Variants in CRACD observed in about 807,000 individuals in gnomAD.
The protein encoded by CRACD is capping protein-inhibiting regulator of actin dynamics.
In CRACD, 56 loss-of-function variants were observed where a neutral mutation model predicts 106.8. That is an observed-to-expected ratio of 0.52 (90% CI 0.42 to 0.66). The LOEUF (loss-of-function observed/expected upper bound fraction) is 0.66, where lower values mean the gene tolerates loss of function less well. CRACD is among the 30% of genes least tolerant of loss of function. The probability of loss-of-function intolerance (pLI) is 0.00; values close to 1 mark genes in which losing one functional copy is unlikely to be tolerated. For synonymous variants in CRACD, 754 were observed against 670.8 expected (o/e 1.12, Z -1.92); for missense variants, 1,730 against 1,623.2 (o/e 1.07, Z -1.13).
At chr4:56,318,362 C>A (rs1044082029) in intron 8 of CRACD, among the ~76,000 whole-genome samples, 2 of 152,130 alleles carry the variant, frequency 1.3e-5, no homozygotes, top group African/African-American at 4.8e-5. Flanking sequence ...TCAGCAGTTT[C>A]TAGACCATTT....
At chr4:56,242,075 C>T (rs1426754509) in intron 2 of CRACD, among the ~76,000 whole-genome samples, 2 of 152,166 alleles carry the variant, frequency 1.3e-5, no homozygotes, top group African/African-American at 4.8e-5. Flanking sequence ...CTACCTCTGT[C>T]ACTGCTAGTT....
At chr4:56,300,945 C>T (rs1397104323) in intron 4 of CRACD, among the ~76,000 whole-genome samples, 4 of 152,276 alleles carry the variant, frequency 2.6e-5, no homozygotes, top group African/African-American at 9.6e-5. Context: ...ATTGCATAAA[C>T]ACAGGAAGAA....
chr4:56,199,537 C>T (rs59022767), intron 2 of CRACD, among the ~76,000 whole-genome samples: 1 of 151,510 alleles, frequency 6.6e-6, no homozygotes, highest in Non-Finnish European at 1.5e-5. Context: ...CAAAAATTAG[C>T]GGGGTGTTGA....
chr4:56,273,815 G>A (rs571588039), intron 3 of CRACD, among the ~76,000 whole-genome samples: 16 of 152,294 alleles, frequency 1.1e-4, no homozygotes, highest in Non-Finnish European at 1.9e-4. Context: ...TGTTTTCCAT[G>A]AATGCCTGAC....
intron 2 of CRACD, among the ~76,000 whole-genome samples, chr4:56,200,660 A>C (rs1737838349): frequency 6.6e-6 from 1 of 152,246 alleles, no homozygotes; most frequent in South Asian, 2.1e-4. Context: ...ATTACTGAGA[A>C]ATTAACAAAG....
intron 3 of CRACD, among the ~76,000 whole-genome samples, chr4:56,289,747 T>G (rs937729684): frequency 6.6e-6 from 1 of 151,576 alleles, no homozygotes; most frequent in African/African-American, 2.4e-5. Context: ...ACATTTGCAA[T>G]CGTGGGTGAA....
intron 1 of CRACD, among the ~76,000 whole-genome samples, chr4:56,119,574 A>G (rs966909302): frequency 1.1e-4 from 16 of 151,922 alleles, no homozygotes; most frequent in Middle Eastern, 3.4e-3. Flanking sequence ...GGCTCAAGTG[A>G]TCTGCCTTCC....
At chr4:56,209,632 G>A (rs374994691) in intron 2 of CRACD, among the ~76,000 whole-genome samples, 4 of 152,036 alleles carry the variant, frequency 2.6e-5, no homozygotes, top group South Asian at 2.1e-4. Flanking sequence ...ATTAACAGAC[G>A]TAAATATATT....
chr4:56,110,985 C>A (rs1465827499), intron 1 of CRACD, among the ~76,000 whole-genome samples: 1 of 152,144 alleles, frequency 6.6e-6, no homozygotes, highest in African/African-American at 2.4e-5. Flanking sequence ...AACAATTAGT[C>A]ACTCAGGGTG....
chr4:56,100,393 A>G (rs13121935), intron 1 of CRACD, among the ~76,000 whole-genome samples: 16,356 of 152,274 alleles, frequency 0.11, 946 homozygotes, highest in East Asian at 0.19. Context: ...GTTAATTGCA[A>G]AAAAGGTTGA....
At chr4:56,300,976 A>G (rs1744334709) in intron 4 of CRACD, among the ~76,000 whole-genome samples, 1 of 152,262 alleles carries the variant, frequency 6.6e-6, no homozygotes, top group Non-Finnish European at 1.5e-5. Context: ...AAAGCAGAAT[A>G]ACTGTTTAAT....
chr4:56,205,528 GTA>G (rs112550218), intron 2 of CRACD, among the ~76,000 whole-genome samples: 1 of 150,946 alleles, frequency 6.6e-6, no homozygotes, highest in Non-Finnish European at 1.5e-5. Context: ...TTTTTTTTTT[GTA>G]TGTGTGTGTG....
chr4:56,246,679 A>T (rs1330218668), intron 2 of CRACD: 1 of 152,260 alleles, frequency 6.6e-6, no homozygotes, highest in Non-Finnish European at 1.5e-5. Flanking sequence ...CTCATGTTTG[A>T]TCGGGAAACT....
At chr4:56,125,764 C>CTTCTTTTTTTTTTTTTT (rs1420481544) in intron 1 of CRACD, among the ~76,000 whole-genome samples, 3 of 73,302 alleles carry the variant, frequency 4.1e-5, no homozygotes, top group Non-Finnish European at 2.5e-5. Flanking sequence ...CATTCTTCTT[C>CTTCTTTTTTTTTTTTTT]TTTTTTTTTT....
At chr4:56,180,488 CAAAATAAA>C (rs1736772192) in intron 2 of CRACD, among the ~76,000 whole-genome samples, 1 of 132,930 alleles carries the variant, frequency 7.5e-6, no homozygotes, top group African/African-American at 2.9e-5. Context: ...GACTCCATCT[CAAAATAAA>C]TAAATAAATA....
chr4:56,207,308 T>C (rs1161567574), intron 2 of CRACD, among the ~76,000 whole-genome samples: 1 of 152,218 alleles, frequency 6.6e-6, no homozygotes, highest in African/African-American at 2.4e-5. Context: ...GCCTTTACAG[T>C]AGAACCTGTT....
chr4:56,230,540 C>G (rs752174065), intron 2 of CRACD, among the ~76,000 whole-genome samples: 1 of 152,110 alleles, frequency 6.6e-6, no homozygotes, highest in Non-Finnish European at 1.5e-5. Flanking sequence ...CGCTAACTTG[C>G]CTCATAGCCT....
At chr4:56,065,007 G>A (rs1732410941) in intron 1 of CRACD, among the ~76,000 whole-genome samples, 3 of 152,190 alleles carry the variant, frequency 2.0e-5, no homozygotes, top group Admixed American at 2.0e-4. Flanking sequence ...AGGGCAGTGG[G>A]TGGAGGAGAA....
At chr4:56,256,109 G>GTA (rs2109601213) in intron 2 of CRACD, among the ~76,000 whole-genome samples, 1 of 152,274 alleles carries the variant, frequency 6.6e-6, no homozygotes, top group Non-Finnish European at 1.5e-5. Flanking sequence ...CTACTGATAT[G>GTA]GTTTGGCTAT....
Sources: gnomAD v4.1 joint callset for allele counts (sites outside exome capture counted in the v4.1 genomes callset) on GRCh38, gnomAD v4.1.1 for gene constraint, MANE v1.5 for transcripts, NCBI Gene and HGNC (gene_info 2026-07-23, HGNC 2026-07-21) for gene names.